Variants in PRORP observed in about 807,000 individuals in gnomAD.
PRORP encodes the protein protein only RNase P catalytic subunit.
Under a neutral mutation model 59.4 loss-of-function variants are expected in PRORP, and 51 were observed. The ratio of observed to expected loss-of-function variants is 0.86; its 90% CI spans 0.69 to 1.08. The LOEUF is 1.08. Ranked by LOEUF, PRORP falls within the 50% of genes least tolerant of loss-of-function variation. The pLI, the probability that PRORP is intolerant of heterozygous loss-of-function variation, is 0.00. For synonymous variants in PRORP, 231 were observed against 245.6 expected, an observed-to-expected ratio of 0.94 and a Z score of 0.55; for missense variants, 646 against 690.3, an observed-to-expected ratio of 0.94 and a Z score of 0.72.
At chr14:35,129,834 C>G (rs1243491166) in intron 4 of PRORP, among the ~76,000 whole-genome samples, 1 of 152,026 alleles carries the variant, frequency 6.6e-6, no homozygotes, top group Non-Finnish European at 1.5e-5. Context: ...TAACTATAGC[C>G]TATTATTTTA....
chr14:35,182,524 A>C (rs2048639963), intron 5 of PRORP, among the ~76,000 whole-genome samples: 3 of 152,196 alleles, frequency 2.0e-5, no homozygotes, highest in African/African-American at 7.2e-5. Flanking sequence ...AGGTGCCTGT[A>C]ATCCCAGCTA....
At chr14:35,183,343 A>G (rs1196564061) in intron 5 of PRORP, among the ~76,000 whole-genome samples, 1 of 152,044 alleles carries the variant, frequency 6.6e-6, no homozygotes, top group African/African-American at 2.4e-5. Context: ...CGTTTTTTGA[A>G]TTTTCTTTTA....
At chr14:35,176,820 G>C (rs7144845) in intron 4 of PRORP, among the ~76,000 whole-genome samples, 1 of 151,934 alleles carries the variant, frequency 6.6e-6, no homozygotes, top group Non-Finnish European at 1.5e-5. Context: ...GTCTTGTGCC[G>C]GTTTTCAAAG....
At chr14:35,205,543 A>T (rs2049270555) in intron 5 of PRORP, among the ~76,000 whole-genome samples, 1 of 152,126 alleles carries the variant, frequency 6.6e-6, no homozygotes, top group Admixed American at 6.5e-5. Flanking sequence ...GCTGGTCTCG[A>T]ACTCCTGGGC....
chr14:35,130,019 G>A (rs896371377), intron 4 of PRORP, among the ~76,000 whole-genome samples: 2 of 145,372 alleles, frequency 1.4e-5, no homozygotes, highest in African/African-American at 5.0e-5. Flanking sequence ...TTGGTTCATT[G>A]TTTAGACTTT....
chr14:35,188,941 TAA>T (rs748540239), intron 5 of PRORP, among the ~76,000 whole-genome samples: 4 of 47,490 alleles, frequency 8.4e-5, no homozygotes, highest in African/African-American at 8.8e-5. Flanking sequence ...AGACTCTGTC[TAA>T]AAAAAAAAAA....
intron 2 of PRORP, among the ~76,000 whole-genome samples, chr14:35,125,819 G>A (rs1214479671): frequency 1.3e-5 from 2 of 152,240 alleles, no homozygotes; most frequent in East Asian, 3.9e-4. Flanking sequence ...GCCAGGAGTT[G>A]GAGACCAGCC....
chr14:35,168,450 A>G (rs2048237715), intron 4 of PRORP, among the ~76,000 whole-genome samples: 1 of 152,150 alleles, frequency 6.6e-6, no homozygotes, highest in South Asian at 2.1e-4. Context: ...TTGCTAGTTG[A>G]TACTCAGGTT....
intron 4 of PRORP, among the ~76,000 whole-genome samples, chr14:35,164,606 A>G (rs1430687141): frequency 6.6e-6 from 1 of 152,286 alleles, no homozygotes; most frequent in African/African-American, 2.4e-5. Context: ...GGACATAAAC[A>G]TGGGAACAAC....
At chr14:35,126,265 A>G (rs1038110119) in intron 2 of PRORP, among the ~76,000 whole-genome samples, 1 of 152,230 alleles carries the variant, frequency 6.6e-6, no homozygotes, top group Non-Finnish European at 1.5e-5. Flanking sequence ...ATACATCAAT[A>G]CATAGTTTTT....
At chr14:35,204,883 A>G (rs1435749700) in intron 5 of PRORP, among the ~76,000 whole-genome samples, 1 of 152,156 alleles carries the variant, frequency 6.6e-6, no homozygotes. Flanking sequence ...ACTAACATTT[A>G]TTAAGAATTT....
intron 5 of PRORP, among the ~76,000 whole-genome samples, chr14:35,254,563 T>C (rs1057137457): frequency 3.3e-5 from 5 of 152,150 alleles, no homozygotes; most frequent in Non-Finnish European, 7.3e-5. Flanking sequence ...CAGCTAATTT[T>C]GTATTTTTAG....
intron 4 of PRORP, among the ~76,000 whole-genome samples, chr14:35,148,607 C>T (rs1438891245): frequency 1.3e-5 from 2 of 152,168 alleles, no homozygotes; most frequent in Admixed American, 1.3e-4. Context: ...AAGTCACCAG[C>T]TGTATTAGCC....
At chr14:35,194,117 T>A (rs200502624) in intron 5 of PRORP, among the ~76,000 whole-genome samples, 1 of 152,198 alleles carries the variant, frequency 6.6e-6, no homozygotes, top group African/African-American at 2.4e-5. Flanking sequence ...GAGAGACTGC[T>A]GTCCAGGTTG....
chr14:35,185,508 G>A (rs1302721970), intron 5 of PRORP, among the ~76,000 whole-genome samples: 1 of 152,176 alleles, frequency 6.6e-6, no homozygotes, highest in Non-Finnish European at 1.5e-5. Context: ...GCAAGAAGAG[G>A]TTGTTATGAC....
intron 5 of PRORP, among the ~76,000 whole-genome samples, chr14:35,197,342 A>G (rs944781605): frequency 6.6e-6 from 1 of 152,184 alleles, no homozygotes; most frequent in African/African-American, 2.4e-5. Flanking sequence ...AGAAAAGTTT[A>G]AATATTTGTT....
chr14:35,166,103 T>C (rs2048177988), intron 4 of PRORP, among the ~76,000 whole-genome samples: 1 of 152,220 alleles, frequency 6.6e-6, no homozygotes, highest in Admixed American at 6.5e-5. Context: ...GGATCTCTGT[T>C]CTCTGTCCCT....
intron 5 of PRORP, among the ~76,000 whole-genome samples, chr14:35,188,591 T>TGATA (rs1227332594): frequency 6.6e-6 from 1 of 152,160 alleles, no homozygotes; most frequent in African/African-American, 2.4e-5. Flanking sequence ...GGTGTTTTGA[T>TGATA]GATATCCTTT....
intron 4 of PRORP, among the ~76,000 whole-genome samples, chr14:35,172,437 C>T (rs1355088547): frequency 1.8e-5 from 1 of 54,524 alleles, no homozygotes; most frequent in African/African-American, 5.7e-5. Context: ...TCCTTCCTTC[C>T]TTCCTTCCTT....
Sources: allele counts gnomAD v4.1 joint callset (sites outside exome capture counted in the v4.1 genomes callset), GRCh38; gene constraint gnomAD v4.1.1; transcripts MANE v1.5; gene names NCBI Gene and HGNC (gene_info 2026-07-23, HGNC 2026-07-21).